The following ZNF385D variants were observed in gnomAD, a reference collection of about 807,000 sequenced individuals.
ZNF385D encodes the protein zinc finger protein 385D.
In ZNF385D, 15 loss-of-function variants were observed where a neutral mutation model predicts 35.8. The ratio of observed to expected loss-of-function variants is 0.42; its 90% confidence interval spans 0.28 to 0.64. The LOEUF (loss-of-function observed/expected upper bound fraction) is 0.64, where lower values mean the gene tolerates loss of function less well. ZNF385D is among the 30% of genes least tolerant of loss of function. The probability of loss-of-function intolerance (pLI) is 0.23; values close to 1 mark genes in which losing one functional copy is unlikely to be tolerated. For synonymous variants in ZNF385D, 212 were observed against 186.8 expected (o/e 1.13, Z -1.10); for missense variants, 474 against 494.6 (o/e 0.96, Z 0.39).
At chr3:21,521,417 A>C (rs1235864651) in intron 3 of ZNF385D, among the ~76,000 whole-genome samples, 1 of 152,202 alleles carries the variant, frequency 6.6e-6, no homozygotes, top group Non-Finnish European at 1.5e-5. Context: ...TGAATTAGAG[A>C]TAGAGTGGTG....
At chr3:21,611,101 C>G (rs73819321) in intron 2 of ZNF385D, among the ~76,000 whole-genome samples, 4,113 of 152,316 alleles carry the variant, frequency 0.027, 192 homozygotes, top group African/African-American at 0.094. Flanking sequence ...CTGTTACAAT[C>G]TTATGTGGCA....
At chr3:22,347,843 C>T (rs1251678792) in intron 2 of ZNF385D, among the ~76,000 whole-genome samples, 2 of 152,084 alleles carry the variant, frequency 1.3e-5, no homozygotes, top group African/African-American at 2.4e-5. Context: ...AAATTAAGAA[C>T]ATTCTAAGTT....
At chr3:21,636,211 C>A (rs2065427068) in intron 2 of ZNF385D, among the ~76,000 whole-genome samples, 1 of 151,184 alleles carries the variant, frequency 6.6e-6, no homozygotes, top group African/African-American at 2.4e-5. Context: ...CACAACCACA[C>A]CAACATCAAT....
At chr3:22,332,964 G>A (rs1390583395) in intron 2 of ZNF385D, among the ~76,000 whole-genome samples, 1 of 151,152 alleles carries the variant, frequency 6.6e-6, no homozygotes, top group Non-Finnish European at 1.5e-5. Context: ...TCATTCTGGA[G>A]AACTTTGATC....
At chr3:21,828,148 G>A (rs768029456) in intron 3 of ZNF385D, among the ~76,000 whole-genome samples, 7 of 152,152 alleles carry the variant, frequency 4.6e-5, no homozygotes, top group African/African-American at 7.2e-5. Flanking sequence ...ACAAATCCAC[G>A]CAGACTAGGG....
At chr3:22,194,505 A>G (rs1047684731) in intron 2 of ZNF385D, among the ~76,000 whole-genome samples, 11 of 151,802 alleles carry the variant, frequency 7.2e-5, no homozygotes, top group African/African-American at 2.7e-4. Context: ...TTCTTCTTTA[A>G]TCCACTGCTT....
At chr3:21,937,785 T>A (rs1202817682) in intron 3 of ZNF385D, among the ~76,000 whole-genome samples, 2 of 152,238 alleles carry the variant, frequency 1.3e-5, no homozygotes, top group African/African-American at 4.8e-5. Flanking sequence ...TTTTATACAT[T>A]CTCTAAGGTC....
chr3:22,274,413 G>T (rs1473883259), intron 2 of ZNF385D, among the ~76,000 whole-genome samples: 3 of 151,846 alleles, frequency 2.0e-5, no homozygotes, highest in Non-Finnish European at 4.4e-5. Flanking sequence ...AACAGGCCTG[G>T]AAATAATTAT....
chr3:21,435,538 T>C (rs1303692723), intron 5 of ZNF385D, among the ~76,000 whole-genome samples: 1 of 152,090 alleles, frequency 6.6e-6, no homozygotes, highest in Non-Finnish European at 1.5e-5. Context: ...GTGTTGAGAT[T>C]ACAGGTGTAA....
chr3:22,247,899 G>T (rs991942490), intron 2 of ZNF385D, among the ~76,000 whole-genome samples: 1 of 151,956 alleles, frequency 6.6e-6, no homozygotes, highest in Non-Finnish European at 1.5e-5. Context: ...CACCACGCCC[G>T]GCCTACAATT....
intron 3 of ZNF385D, chr3:21,849,605 C>CTTTTTTTT (rs3073866): frequency 7.4e-5 from 8 of 108,172 alleles, no homozygotes; most frequent in Non-Finnish European, 1.1e-4. Flanking sequence ...AAACCCATTT[C>CTTTTTTTT]TTTTTTTTTT....
chr3:21,802,363 G>T (rs1474777633), intron 3 of ZNF385D, among the ~76,000 whole-genome samples: 1 of 152,080 alleles, frequency 6.6e-6, no homozygotes, highest in Non-Finnish European at 1.5e-5. Flanking sequence ...TTTTGGAGAG[G>T]ATTTTTCATT....
rs563413871 is a variant in ZNF385D, at chr3:22,093,482, T to C, written c.325+75335A>G. On this transcript the variant is annotated intron_variant, in intron 3 of 5. Coordinates refer to the ZNF385D transcript ENST00000494108. ...ACAGAATGGCTGAACAAAATTTATC[T>C]TTCACAAAGGATAATATTAAAGGTC... Among the ~76,000 whole-genome samples, 5 of 152,166 alleles carry C rather than the reference T, an allele frequency of 3.3e-5. No individual in the cohort carries two copies. In the East Asian group the frequency reaches 9.6e-4, roughly 29 times the overall value.
chr3:22,298,806 T>A (rs1327712696), intron 2 of ZNF385D, among the ~76,000 whole-genome samples: 4 of 151,780 alleles, frequency 2.6e-5, no homozygotes, highest in Non-Finnish European at 4.4e-5. Flanking sequence ...ATAAATAAAT[T>A]GTTTATCTTT....
intron 3 of ZNF385D, among the ~76,000 whole-genome samples, chr3:21,916,930 C>T (rs1027234451): frequency 2.0e-5 from 3 of 152,128 alleles, no homozygotes; most frequent in Non-Finnish European, 2.9e-5. Context: ...TTCTGTATGT[C>T]GATTAGCGTT....
intron 2 of ZNF385D, among the ~76,000 whole-genome samples, chr3:22,274,993 A>G (rs74409129): frequency 0.017 from 2,537 of 152,194 alleles, 60 homozygotes; most frequent in South Asian, 0.096. Context: ...CCACAGATCA[A>G]TTGATTAGAG....
At chr3:22,044,147 T>C (rs868319199) in intron 3 of ZNF385D, among the ~76,000 whole-genome samples, 2 of 151,766 alleles carry the variant, frequency 1.3e-5, no homozygotes, top group Non-Finnish European at 1.5e-5. Context: ...ATGCTGTGAT[T>C]GTACAGAACA....
At chr3:22,246,195 AAACAT>A (rs1275800484) in intron 2 of ZNF385D, among the ~76,000 whole-genome samples, 1 of 152,176 alleles carries the variant, frequency 6.6e-6, no homozygotes, top group Non-Finnish European at 1.5e-5. Context: ...TTTTCTTTTC[AAACAT>A]AACTGTCTTT....
At chr3:22,129,622 G>C (rs546496010) in intron 3 of ZNF385D, among the ~76,000 whole-genome samples, 1 of 152,114 alleles carries the variant, frequency 6.6e-6, no homozygotes, top group African/African-American at 2.4e-5. Context: ...CAGATTTGTG[G>C]TGACTGTAGC....
Sources: allele counts gnomAD v4.1 joint callset (sites outside exome capture counted in the v4.1 genomes callset), GRCh38; gene constraint gnomAD v4.1.1; transcripts MANE v1.5; gene names NCBI Gene and HGNC (gene_info 2026-07-23, HGNC 2026-07-21).